PSIP1: variants seen among roughly 807,000 people sequenced by gnomAD.
PSIP1 encodes the protein PC4 and SFRS1-interacting protein.
PSIP1 carries 19 observed loss-of-function variants against 74.7 expected under a neutral mutation model. That is an observed-to-expected ratio of 0.25 (90% CI 0.18 to 0.37). PSIP1 has a LOEUF of 0.37. Among genes scored for constraint, PSIP1 ranks in the 10% least tolerant of loss-of-function variants. The probability of loss-of-function intolerance (pLI) is 1.00; values close to 1 mark genes in which losing one functional copy is unlikely to be tolerated. For missense variants in PSIP1, 601 were observed against 614.3 expected (o/e 0.98, Z 0.23); for synonymous variants, 222 against 195.3 (o/e 1.14, Z -1.14).
chr9:15,489,644 A>G (rs1026663996), intron 4 of PSIP1, among the ~76,000 whole-genome samples: 1 of 151,534 alleles, frequency 6.6e-6, no homozygotes, highest in Non-Finnish European at 1.5e-5. Flanking sequence ...TTAATTAATT[A>G]ATTAAAGAGA....
At chr9:15,499,799 G>A (rs1011997562) in intron 3 of PSIP1, among the ~76,000 whole-genome samples, 10 of 151,196 alleles carry the variant, frequency 6.6e-5, no homozygotes, top group Non-Finnish European at 1.3e-4. Context: ...GCTTGAACCC[G>A]GGAGGCAGAG....
intron 6 of PSIP1, among the ~76,000 whole-genome samples, chr9:15,484,281 C>T (rs1180680731): frequency 2.2e-5 from 2 of 89,428 alleles, no homozygotes; most frequent in Admixed American, 2.7e-4. Context: ...CATAGCAAAA[C>T]CCCATGTCTA....
At chr9:15,508,708 C>T (rs1432058472) in intron 2 of PSIP1, among the ~76,000 whole-genome samples, 1 of 152,160 alleles carries the variant, frequency 6.6e-6, no homozygotes, top group Non-Finnish European at 1.5e-5. Flanking sequence ...TTTCCCTAGG[C>T]TCCATTTGAA....
intron 3 of PSIP1, among the ~76,000 whole-genome samples, chr9:15,504,100 G>A (rs1043957766): frequency 3.3e-5 from 5 of 152,148 alleles, no homozygotes; most frequent in South Asian, 4.1e-4. Flanking sequence ...TACATATGGG[G>A]CAGCACTGCT....
rs747637304 is a variant in PSIP1, at chr9:15,490,070, A to G, written c.204T>C (p.Tyr68=). The change falls in exon 4 of 16, where the codon TAT becomes TAC. Residue 68 remains tyrosine, a synonymous_variant. Coordinates refer to ENST00000380733, the MANE Select transcript of PSIP1 (RefSeq NM_033222.5). The part of the protein sequence containing the change: ...IFPYSENKEK[Y]GKPNKRKGFN... ...AACCTTTTCTTTTATTTGGTTTGCC[A>G]TACTTTTCCTTATTTTCTGAGTAAG... 2 of 1,605,670 alleles carry G rather than the reference A, an allele frequency of 1.2e-6. No individual in the cohort carries two copies. Among genetic ancestry groups the G allele is most frequent in the Non-Finnish European group, 1.7e-6 (2 of 1,176,202 alleles).
chr9:15,508,378 A>T (rs2037696939), intron 2 of PSIP1, among the ~76,000 whole-genome samples: 1 of 152,204 alleles, frequency 6.6e-6, no homozygotes, highest in African/African-American at 2.4e-5. Flanking sequence ...TGATGGGGAA[A>T]AGGGAAAAGA....
In PSIP1 at chr9:15,486,721, T is replaced by C. The variant is rs964336649; in HGVS notation, c.393+106A>G. 44 of 783,304 alleles carry C rather than the reference T, an allele frequency of 5.6e-5. No homozygotes were observed. The South Asian group carries it at 6.1e-4, about 11-fold the overall frequency. The allele number at this position is 783,304 out of a possible 1,614,324, so 48.5% of individuals were successfully genotyped here. ...GCCTTAAATATTTTCTAATTCACTT[T>C]TGAAGTACTTTAAAAATTACTTACT... On this transcript the variant is annotated intron_variant, in intron 5 of 15. Coordinates refer to ENST00000380733, the MANE Select transcript of PSIP1 (RefSeq NM_033222.5).
At position 15,510,308 on chromosome 9, in the gene PSIP1, T is replaced by C. The variant is rs2037801391; in HGVS notation, c.-120A>G. The C allele has an allele frequency of 1.8e-6, 1 of 563,406 alleles. No homozygotes were observed. Among genetic ancestry groups the C allele is most frequent in the Non-Finnish European group, 2.7e-6 (1 of 372,366 alleles). The allele number at this position is 563,406 out of a possible 1,614,324, so 34.9% of individuals were successfully genotyped here. A position where few individuals can be genotyped will look rare whatever the true frequency, so the allele number is the denominator to read the frequency against. ...GGGCCCGCGGGCGGGGGAGGATGCC[T>C]CGGGGCGTCCCGACGCGCCTGCTAG... On this transcript the variant is annotated 5_prime_UTR_variant, in exon 2 of 16. Coordinates refer to ENST00000380733, the MANE Select transcript of PSIP1 (RefSeq NM_033222.5).
chr9:15,491,079 A>G (rs1271979376), intron 3 of PSIP1, among the ~76,000 whole-genome samples: 1 of 152,224 alleles, frequency 6.6e-6, no homozygotes, highest in African/African-American at 2.4e-5. Context: ...CAATACATAA[A>G]TTCATTTTAT....
At chr9:15,468,291 A>C in intron 14 of PSIP1, 2 of 551,988 alleles carry the variant, frequency 3.6e-6, no homozygotes, top group Admixed American at 3.8e-5. Flanking sequence ...TTTTTAGGTG[A>C]GAAGAAAACA....
chr9:15,488,733 A>G (rs771012390), intron 4 of PSIP1, among the ~76,000 whole-genome samples: 4 of 152,158 alleles, frequency 2.6e-5, no homozygotes, highest in Admixed American at 6.5e-5. Context: ...AAAAATACAA[A>G]AAATTAGGCT....
In PSIP1 at chr9:15,510,078, G is replaced by A. The variant is rs375047550; in HGVS notation, c.72+39C>T. The A allele has an allele frequency of 6.4e-6, 10 of 1,574,628 alleles. No homozygotes were observed. The South Asian group carries it at 7.9e-5, about 13-fold the overall frequency. On this transcript the variant is annotated intron_variant, in intron 2 of 15. Transcript: ENST00000380733. ...GTGGGCAGCAGGCCTCTGGAGAGGA[G>A]GGTAGCACTGCTAAGCGCGAGGGCT...
chr9:15,506,606 G>C lies in PSIP1; in HGVS notation c.104C>G (p.Pro35Arg). Reference protein sequence around the residue: ...VDEVPDGAVKPPTNKLPIFFF... With the variant: ...VDEVPDGAVKRPTNKLPIFFF... ...GAAAATGGGTAGTTTGTTTGTGGGT[G>C]GCTTTACAGCTCCATCAGGAACTTC... is the stretch of plus-strand genomic sequence containing the variant. Residue 35 changes from proline to arginine, a missense_variant, in exon 3 of 16, where the codon CCA (proline) becomes CGA (arginine). Physicochemically the swap from Pro to Arg is moderately radical, Grantham distance 103. Around this residue, in one of 2 missense-constraint regions of PSIP1, gnomAD observed 63 missense variants for 106.7 expected, o/e 0.59. Coordinates refer to ENST00000380733, the MANE Select transcript of PSIP1 (RefSeq NM_033222.5). The C allele has an allele frequency of 6.2e-7, 1 of 1,612,592 alleles. No homozygotes were observed.
chr9:15,501,503 G>A (rs1352302168), intron 3 of PSIP1, among the ~76,000 whole-genome samples: 2 of 151,984 alleles, frequency 1.3e-5, no homozygotes, highest in South Asian at 2.1e-4. Context: ...AACCTTCCCC[G>A]CAAAGGGAAA....
intron 10 of PSIP1, 83 bp downstream of exon 10, chr9:15,472,549 C>T: frequency 6.7e-7 from 1 of 1,503,002 alleles, no homozygotes; most frequent in Non-Finnish European, 8.8e-7. Context: ...TTCATAAAGT[C>T]TGGAAAATGA....
rs925126838 is a variant in PSIP1, at chr9:15,468,691, C to G, written c.1359G>C (p.Ala453=). The stretch of plus-strand genomic sequence containing the variant: ...TCTTCCCTTGATCTTTGGTTTTATT[C>G]GCTTCCTCATGCTGTCTTTGTTCAG... The part of the protein sequence containing the change: ...SLAEQRQHEE[A]NKTKDQGKKG... The change falls in exon 14 of 16, where the codon GCG becomes GCC. Residue 453 remains alanine (A), a synonymous_variant. Coordinates refer to ENST00000380733, the MANE Select transcript of PSIP1 (RefSeq NM_033222.5). 1.9e-6 allele frequency: 3 copies of G among 1,614,032 alleles called. No individual in the cohort carries two copies. The highest frequency in any genetic ancestry group is 2.5e-6 in the Non-Finnish European group (3 of 1,179,978).
At chr9:15,465,706 AACTTG>A (rs771991466) in intron 15 of PSIP1, 126 bp from the exon 16 acceptor site, 6 of 715,782 alleles carry the variant, frequency 8.4e-6, no homozygotes, top group South Asian at 4.4e-5. Flanking sequence ...ACAAAAGAAA[AACTTG>A]ACTTGTTATT....
chr9:15,499,828 C>T (rs906690033), intron 3 of PSIP1, among the ~76,000 whole-genome samples: 5 of 149,632 alleles, frequency 3.3e-5, no homozygotes, highest in African/African-American at 1.2e-4. Flanking sequence ...GAGCCAAGAT[C>T]ACGCCACTGC....
intron 10 of PSIP1, chr9:15,470,825 C>T (rs913171638): frequency 5.8e-6 from 6 of 1,040,276 alleles, no homozygotes; most frequent in Non-Finnish European, 3.5e-6. Flanking sequence ...TAATAACTAG[C>T]TTCAAAACAA....
Sources: allele counts gnomAD v4.1 joint callset (sites outside exome capture counted in the v4.1 genomes callset), GRCh38; gene constraint gnomAD v4.1.1; regional missense constraint gnomAD v4.1.1; transcripts MANE v1.5; gene names NCBI Gene and HGNC (gene_info 2026-07-23, HGNC 2026-07-21).